RBFOX1: variants seen among roughly 807,000 people sequenced by gnomAD.
RBFOX1 encodes RNA binding protein fox-1 homolog 1.
In RBFOX1, 8 loss-of-function variants were observed where a neutral mutation model predicts 57.7. That is an observed-to-expected ratio of 0.14 (90% CI 0.08 to 0.25). The LOEUF (loss-of-function observed/expected upper bound fraction) is 0.25, where lower values mean the gene tolerates loss of function less well. Among genes scored for constraint, RBFOX1 ranks in the 10% least tolerant of loss-of-function variants. RBFOX1 has a pLI of 1.00. For missense variants in RBFOX1, 611 were observed against 548.5 expected (o/e 1.11, Z -1.14); for synonymous variants, 326 against 222.4 (o/e 1.47, Z -4.15).
At chr16:7,288,534 G>C (rs1254243009) in intron 4 of RBFOX1, among the ~76,000 whole-genome samples, 1 of 152,162 alleles carries the variant, frequency 6.6e-6, no homozygotes, top group Non-Finnish European at 1.5e-5. Context: ...TAAATGCTAA[G>C]TAATTCTTAA....
chr16:6,614,131 A>G (rs2098111208), intron 2 of RBFOX1, among the ~76,000 whole-genome samples: 1 of 152,196 alleles, frequency 6.6e-6, no homozygotes, highest in Non-Finnish European at 1.5e-5. Context: ...CCCAAAAAAT[A>G]TTGAATTTCC....
intron 4 of RBFOX1, among the ~76,000 whole-genome samples, chr16:7,388,784 T>G (rs2097932054): frequency 6.6e-6 from 1 of 152,060 alleles, no homozygotes; most frequent in African/African-American, 2.4e-5. Flanking sequence ...GATGAGTTTG[T>G]CCAAATGTAG....
intron 4 of RBFOX1, among the ~76,000 whole-genome samples, chr16:7,367,286 G>T (rs1220306408): frequency 6.6e-6 from 1 of 152,158 alleles, no homozygotes; most frequent in East Asian, 1.9e-4. Flanking sequence ...GATAAAGAGT[G>T]CAGTTCAGTT....
At chr16:6,452,950 C>G (rs148203796) in intron 2 of RBFOX1, among the ~76,000 whole-genome samples, 3 of 152,292 alleles carry the variant, frequency 2.0e-5, no homozygotes, top group East Asian at 3.9e-4. Flanking sequence ...GTTCTCCATG[C>G]TTAGTATAAC....
At chr16:5,414,837 G>A (rs953815139) in intron 1 of RBFOX1, among the ~76,000 whole-genome samples, 3 of 152,122 alleles carry the variant, frequency 2.0e-5, no homozygotes, top group African/African-American at 4.8e-5. Context: ...ACCATCCTCG[G>A]TGGGATTCTT....
chr16:6,920,872 C>G (rs1166470408), intron 3 of RBFOX1, among the ~76,000 whole-genome samples: 1 of 152,140 alleles, frequency 6.6e-6, no homozygotes, highest in Non-Finnish European at 1.5e-5. Flanking sequence ...GCTTTATTTC[C>G]AAATAGGGTC....
chr16:7,556,876 A>G (rs2088672745), intron 5 of RBFOX1, among the ~76,000 whole-genome samples: 1 of 152,194 alleles, frequency 6.6e-6, no homozygotes, highest in Admixed American at 6.5e-5. Flanking sequence ...TGTTTTCTGA[A>G]ACCGACTTAG....
intron 2 of RBFOX1, among the ~76,000 whole-genome samples, chr16:6,622,188 C>T (rs2098242872): frequency 6.6e-6 from 1 of 152,170 alleles, no homozygotes. Flanking sequence ...ATTTTTGCTA[C>T]ATTCTTGGCA....
At chr16:6,003,327 T>C (rs1369345594) in intron 4 of RBFOX1, among the ~76,000 whole-genome samples, 1 of 148,114 alleles carries the variant, frequency 6.8e-6, no homozygotes, top group Non-Finnish European at 1.5e-5. Flanking sequence ...AAAAATGAGA[T>C]CAAGACGTTT....
chr16:6,366,827 T>C (rs2089699706), intron 2 of RBFOX1, among the ~76,000 whole-genome samples: 1 of 152,178 alleles, frequency 6.6e-6, no homozygotes, highest in Admixed American at 6.5e-5. Context: ...GTGTCAGGAA[T>C]CTCTGCTTTT....
intron 4 of RBFOX1, among the ~76,000 whole-genome samples, chr16:7,193,420 A>G (rs2085913164): frequency 6.6e-6 from 1 of 152,228 alleles, no homozygotes; most frequent in Admixed American, 6.5e-5. Flanking sequence ...TTTCTGAACT[A>G]CAGAACTATA....
chr16:7,360,367 C>T (rs1201095655), intron 4 of RBFOX1, among the ~76,000 whole-genome samples: 3 of 152,174 alleles, frequency 2.0e-5, no homozygotes, highest in Non-Finnish European at 2.9e-5. Flanking sequence ...TCTGCTGCTT[C>T]ATATGTGGCT....
chr16:6,554,071 TTAACA>T (rs1338390844), intron 2 of RBFOX1, among the ~76,000 whole-genome samples: 7 of 152,194 alleles, frequency 4.6e-5, no homozygotes, highest in African/African-American at 1.2e-4. Flanking sequence ...AGTGCTGGCC[TTAACA>T]TAACAGTTTA....
rs528082413 is a variant in RBFOX1 at position 7,669,423 on chromosome 16, A to C, written c.930+4455A>C. On this transcript the variant is annotated intron_variant, in intron 13 of 15. Coordinates refer to ENST00000550418, the MANE Select transcript of RBFOX1 (RefSeq NM_018723.4). ...GAATTGACAAACGGATAGAAACTGGAATAACATAGTGAGGTGTGACAATGG... is the reference window on the plus strand; with the variant it reads ...GAATTGACAAACGGATAGAAACTGGCATAACATAGTGAGGTGTGACAATGG... Among the ~76,000 whole-genome samples the C allele has an allele frequency of 2.0e-5, 3 of 152,342 alleles. No individual in the cohort carries two copies. In the South Asian group the frequency reaches 6.2e-4, roughly 32 times the overall value.
chr16:7,067,941 A>G, intron 4 of RBFOX1, among the ~76,000 whole-genome samples: 1 of 145,890 alleles, frequency 6.9e-6, no homozygotes, highest in Non-Finnish European at 1.5e-5. Context: ...CCTAGTGTCT[A>G]GAGGGCGCCA....
At chr16:5,410,276 C>A (rs1463054060) in intron 1 of RBFOX1, among the ~76,000 whole-genome samples, 1 of 151,290 alleles carries the variant, frequency 6.6e-6, no homozygotes. Flanking sequence ...GAGGCTGAGG[C>A]AGGAGAATCA....
intron 3 of RBFOX1, among the ~76,000 whole-genome samples, chr16:7,001,539 C>G (rs561811839): frequency 6.6e-6 from 1 of 152,082 alleles, no homozygotes; most frequent in African/African-American, 2.4e-5. Context: ...TCGTTGCAAC[C>G]TCCGCCTCCC....
chr16:6,898,895 C>T (rs1057449474), intron 3 of RBFOX1, among the ~76,000 whole-genome samples: 3 of 101,690 alleles, frequency 3.0e-5, no homozygotes, highest in Non-Finnish European at 3.8e-5. Context: ...TACGTGTGTG[C>T]ATCTCGTATG....
At chr16:7,670,076 G>C (rs1475936315) in intron 13 of RBFOX1, among the ~76,000 whole-genome samples, 3 of 152,144 alleles carry the variant, frequency 2.0e-5, no homozygotes, top group South Asian at 2.1e-4. Flanking sequence ...GTATCACCCA[G>C]GGTGGAGTGC....
Sources: allele counts gnomAD v4.1 joint callset (sites outside exome capture counted in the v4.1 genomes callset), GRCh38; gene constraint gnomAD v4.1.1; transcripts MANE v1.5; gene names NCBI Gene and HGNC (gene_info 2026-07-23, HGNC 2026-07-21).